The following ELFN2 variants were observed in gnomAD, a reference collection of about 807,000 sequenced individuals.
ELFN2 encodes protein phosphatase 1 regulatory subunit 29.
ELFN2 carries 17 observed loss-of-function variants against 45.5 expected under a neutral mutation model. The observed-to-expected ratio is 0.37, with a 90% CI of 0.26 to 0.56. The LOEUF (loss-of-function observed/expected upper bound fraction) is 0.56, where lower values mean the gene tolerates loss of function less well. ELFN2 is among the 20% of genes least tolerant of loss of function. The probability of loss-of-function intolerance (pLI) is 0.77; values close to 1 mark genes in which losing one functional copy is unlikely to be tolerated. For synonymous variants in ELFN2, 550 were observed against 551.5 expected (o/e 1.00, Z 0.04); for missense variants, 922 against 1,183.2 (o/e 0.78, Z 3.24).
At chr22:37,385,566 C>T (rs1335836294) in intron 2 of ELFN2, among the ~76,000 whole-genome samples, 3 of 152,238 alleles carry the variant, frequency 2.0e-5, no homozygotes, top group East Asian at 3.8e-4. Flanking sequence ...AGCATCCAAC[C>T]TCCTCCCTGC....
intron 2 of ELFN2, among the ~76,000 whole-genome samples, chr22:37,416,932 C>T (rs1171498505): frequency 2.0e-5 from 3 of 152,174 alleles, no homozygotes; most frequent in Non-Finnish European, 4.4e-5. Flanking sequence ...ATAGCATCTC[C>T]CTATCCTTAG....
At chr22:37,365,306 T>C (rs907716006), downstream of ELFN2, among the ~76,000 whole-genome samples, 2 of 152,298 alleles carry the variant, frequency 1.3e-5, no homozygotes, top group Non-Finnish European at 2.9e-5. Context: ...GAGGGGAATA[T>C]TCAGCTAAAC....
downstream of ELFN2, among the ~76,000 whole-genome samples, chr22:37,366,974 G>T (rs1931220330): frequency 6.6e-6 from 1 of 152,204 alleles, no homozygotes; most frequent in Non-Finnish European, 1.5e-5. Context: ...GGGCAGGAAA[G>T]CCCTGTGGGC....
chr22:37,427,170 C>T (rs1035410287), intron 1 of ELFN2, 128 bp downstream of exon 1: 2 of 152,174 alleles, frequency 1.3e-5, no homozygotes, highest in Non-Finnish European at 2.9e-5. Flanking sequence ...CGTCTCATCC[C>T]CCCTTCCGTG....
chr22:37,381,601 C>T (rs1317074383), intron 2 of ELFN2, among the ~76,000 whole-genome samples: 2 of 152,030 alleles, frequency 1.3e-5, no homozygotes, highest in African/African-American at 2.4e-5. Flanking sequence ...ACCCAGGCTT[C>T]GGTCCCCTGA....
chr22:37,405,638 C>T (rs1032424054), intron 2 of ELFN2, among the ~76,000 whole-genome samples: 5 of 152,080 alleles, frequency 3.3e-5, no homozygotes, highest in Non-Finnish European at 7.4e-5. Flanking sequence ...CTCAACCTAG[C>T]ATCCAGGACC....
chr22:37,390,519 G>A (rs1932062910), intron 2 of ELFN2, among the ~76,000 whole-genome samples: 1 of 152,214 alleles, frequency 6.6e-6, no homozygotes, highest in Admixed American at 6.5e-5. Context: ...GTGAAGGGAA[G>A]GGTGAGAAGC....
At position 37,422,998 on chromosome 22, in the gene ELFN2, T is replaced by C. The variant is rs556750781; in HGVS notation, c.-614+4300A>G. On this transcript the variant is annotated intron_variant, in intron 1 of 2. Coordinates refer to ENST00000402918, the MANE Select transcript of ELFN2 (RefSeq NM_052906.5). Reference sequence around the variant, plus strand: ...GACCCACACCGAGGAGGAAAAGAGGTTGGATTTGGAGCCCTGCCCCTGCCC... The same window carrying C: ...GACCCACACCGAGGAGGAAAAGAGGCTGGATTTGGAGCCCTGCCCCTGCCC... Among the ~76,000 whole-genome samples, 5 of 134,076 alleles carry C rather than the reference T, an allele frequency of 3.7e-5. No individual in the cohort carries two copies. The East Asian group carries it at 1.1e-3, about 29-fold the overall frequency. 88.0% of individuals were successfully genotyped at this position (134,076 alleles called of 152,430 possible).
At chr22:37,343,926 C>G (rs1023129972) in intron 1 of ELFN2, among the ~76,000 whole-genome samples, 14 of 152,190 alleles carry the variant, frequency 9.2e-5, no homozygotes, top group African/African-American at 3.1e-4. Context: ...TTAGGCCAGG[C>G]CGCTGTCAAA....
At chr22:37,387,552 C>G (rs1601754947) in intron 2 of ELFN2, among the ~76,000 whole-genome samples, 1 of 152,246 alleles carries the variant, frequency 6.6e-6, no homozygotes, top group Admixed American at 6.5e-5. Context: ...AGGAGCTGAC[C>G]CTCCTGGGCA....
chr22:37,357,426 T>C (rs1341749275), intron 1 of ELFN2, among the ~76,000 whole-genome samples: 2 of 152,208 alleles, frequency 1.3e-5, no homozygotes, highest in Non-Finnish European at 2.9e-5. Flanking sequence ...TATCTTTGCA[T>C]AGGTTTCTTC....
rs1044326235 is a variant in ELFN2, at chr22:37,369,345, C to T, written c.*3727G>A. The stretch of plus-strand genomic sequence containing the variant: ...CCAGGCCTGGCCTTCCCAAGCAGGT[C>T]TCTTTACTCCCACCCTCCTCGCTCC... On this transcript the variant is annotated 3_prime_UTR_variant, in exon 3 of 3. Transcript: ENST00000402918. 1 of 152,302 alleles carries T rather than the reference C, an allele frequency of 6.6e-6. No homozygotes were observed. Among genetic ancestry groups the T allele is most frequent in the African/African-American group, 2.4e-5 (1 of 41,422 alleles). 9.4% of individuals were successfully genotyped at this position (152,302 alleles called of 1,614,324 possible). A position where few individuals can be genotyped will look rare whatever the true frequency, so the allele number is the denominator to read the frequency against.
intron 2 of ELFN2, among the ~76,000 whole-genome samples, chr22:37,381,745 T>C (rs556231036): frequency 9.8e-4 from 149 of 152,044 alleles, no homozygotes; most frequent in African/African-American, 3.5e-3. Flanking sequence ...GGGTCAGACG[T>C]ACAGCGGGTT....
chr22:37,397,203 A>G (rs73884031), intron 2 of ELFN2, among the ~76,000 whole-genome samples: 1 of 152,262 alleles, frequency 6.6e-6, no homozygotes, highest in East Asian at 1.9e-4. Context: ...CATCCCACTG[A>G]AGGGTCACTG....
chr22:37,408,308 G>A (rs371300248), intron 2 of ELFN2, among the ~76,000 whole-genome samples: 1 of 152,300 alleles, frequency 6.6e-6, no homozygotes, highest in Non-Finnish European at 1.5e-5. Flanking sequence ...TCTGCGGCCC[G>A]CACTCCAGGG....
At chr22:37,383,774 G>A (rs761779784) in intron 2 of ELFN2, among the ~76,000 whole-genome samples, 1 of 152,232 alleles carries the variant, frequency 6.6e-6, no homozygotes, top group South Asian at 2.1e-4. Context: ...TTACTCAAAA[G>A]AGCTTAACAA....
chr22:37,360,559 C>T (rs1009297416), intron 1 of ELFN2, among the ~76,000 whole-genome samples: 9 of 152,302 alleles, frequency 5.9e-5, no homozygotes, highest in South Asian at 4.1e-4. Context: ...GTACACCCCA[C>T]GCCACCCCTG....
At chr22:37,405,905 G>C (rs1259251519) in intron 2 of ELFN2, among the ~76,000 whole-genome samples, 1 of 152,056 alleles carries the variant, frequency 6.6e-6, no homozygotes, top group Admixed American at 6.5e-5. Flanking sequence ...GGGAGGCCAA[G>C]GCAGGAGGAT....
intron 2 of ELFN2, among the ~76,000 whole-genome samples, chr22:37,413,829 C>T (rs1932714330): frequency 6.6e-6 from 1 of 152,198 alleles, no homozygotes; most frequent in South Asian, 2.1e-4. Flanking sequence ...GGCACAAGCC[C>T]CCCCTAAGAA....
Sources: allele counts gnomAD v4.1 joint callset (sites outside exome capture counted in the v4.1 genomes callset), GRCh38; gene constraint gnomAD v4.1.1; transcripts MANE v1.5; gene names NCBI Gene and HGNC (gene_info 2026-07-23, HGNC 2026-07-21).